The following ANXA10 variants were observed in gnomAD, a reference collection of about 807,000 sequenced individuals.
ANXA10 encodes annexin A10.
In ANXA10, 49 loss-of-function variants were observed where a neutral mutation model predicts 53.5. That is an observed-to-expected ratio of 0.92 (90% CI 0.73 to 1.16). The LOEUF (loss-of-function observed/expected upper bound fraction) is 1.16, where lower values mean the gene tolerates loss of function less well. Among genes scored for constraint, ANXA10 ranks in the 50% most tolerant of loss-of-function variants. ANXA10 has a pLI of 0.00. For missense variants in ANXA10, 393 were observed against 394.4 expected (o/e 1.00, Z 0.03); for synonymous variants, 131 against 128.9 (o/e 1.02, Z -0.11).
chr4:168,112,824 C>A (rs1038975234), intron 1 of ANXA10, among the ~76,000 whole-genome samples: 9 of 152,230 alleles, frequency 5.9e-5, no homozygotes, highest in Middle Eastern at 6.8e-3. Context: ...AGTTCAAGAC[C>A]AGCCTGACCA....
At chr4:168,104,209 T>G (rs1304968221) in intron 1 of ANXA10, among the ~76,000 whole-genome samples, 1 of 151,982 alleles carries the variant, frequency 6.6e-6, no homozygotes, top group Admixed American at 6.6e-5. Flanking sequence ...AGATTGATTT[T>G]TGAATGTTGT....
At chr4:168,117,576 A>C (rs1730914175) in intron 1 of ANXA10, among the ~76,000 whole-genome samples, 1 of 152,152 alleles carries the variant, frequency 6.6e-6, no homozygotes, top group Non-Finnish European at 1.5e-5. Flanking sequence ...GGTTCTTGGA[A>C]TCTGCACCTT....
At chr4:168,154,783 A>AT in intron 3 of ANXA10, among the ~76,000 whole-genome samples, 1 of 152,060 alleles carries the variant, frequency 6.6e-6, no homozygotes, top group Non-Finnish European at 1.5e-5. Context: ...TGTGTGCCTG[A>AT]TTTTCTTATC....
rs1731621390 is a variant in ANXA10 at position 168,155,773 on chromosome 4, CATATATTATATATTATATATAATATATA to C, written c.196-6748_196-6721del. Among the ~76,000 whole-genome samples, 28 of 23,438 alleles carry C rather than the reference CATATATTATATATTATATATAATATATA, an allele frequency of 1.2e-3. 5 individuals are homozygous for C. The highest frequency in any genetic ancestry group is 5.4e-3 in the African/African-American group (26 of 4,778). 15.4% of individuals were successfully genotyped at this position (23,438 alleles called of 152,430 possible). ...ATATATTATATAATATATGATATAT[CATATATTATATATTATATATAATATATA>C]ATATATGATATATTATATATGATAT... is the stretch of plus-strand genomic sequence containing the variant. On this transcript the variant is annotated intron_variant, in intron 3 of 11. Coordinates refer to ENST00000359299, the MANE Select transcript of ANXA10 (RefSeq NM_007193.5).
intron 3 of ANXA10, among the ~76,000 whole-genome samples, chr4:168,146,655 A>G (rs183390329): frequency 1.3e-5 from 2 of 152,278 alleles, no homozygotes; most frequent in African/African-American, 4.8e-5. Flanking sequence ...CTGGATCAGC[A>G]CCTGGATTCC....
At chr4:168,095,537 T>C (rs568138875) in intron 1 of ANXA10, among the ~76,000 whole-genome samples, 1 of 152,214 alleles carries the variant, frequency 6.6e-6, no homozygotes, top group South Asian at 2.1e-4. Flanking sequence ...ATTTACTGTC[T>C]ATATACATCA....
intron 3 of ANXA10, among the ~76,000 whole-genome samples, chr4:168,146,018 G>C (rs1057098984): frequency 1.3e-5 from 2 of 151,880 alleles, no homozygotes; most frequent in Admixed American, 1.3e-4. Flanking sequence ...TACCTCCCAG[G>C]TTCAAGCAGC....
intron 1 of ANXA10, among the ~76,000 whole-genome samples, chr4:168,096,162 G>A (rs896521274): frequency 6.6e-6 from 1 of 152,184 alleles, no homozygotes; most frequent in Non-Finnish European, 1.5e-5. Flanking sequence ...CATGGGAGGA[G>A]AGGCTGTTGA....
At chr4:168,130,116 C>T (rs572786999) in intron 2 of ANXA10, among the ~76,000 whole-genome samples, 2 of 152,178 alleles carry the variant, frequency 1.3e-5, no homozygotes, top group East Asian at 1.9e-4. Flanking sequence ...TTTTTGAAAA[C>T]GTTCATTATG....
chr4:168,163,565 A>G (rs558749724), intron 4 of ANXA10, among the ~76,000 whole-genome samples: 3 of 152,326 alleles, frequency 2.0e-5, no homozygotes, highest in Admixed American at 6.5e-5. Context: ...AAATAAAGTT[A>G]TATGTTTATA....
chr4:168,166,750 A>G (rs1731888523), intron 6 of ANXA10, among the ~76,000 whole-genome samples: 1 of 152,044 alleles, frequency 6.6e-6, no homozygotes, highest in African/African-American at 2.4e-5. Context: ...AGTAGTTAGC[A>G]AAGAATTAGT....
Position 168,184,549 on chromosome 4 carries a change from T to C in ANXA10, c.784-10T>C, listed in dbSNP as rs1264139267. The C allele has an allele frequency of 1.2e-6, 2 of 1,613,528 alleles. No homozygotes were observed. The highest frequency in any genetic ancestry group is 1.7e-6 in the Non-Finnish European group (2 of 1,179,682). On this transcript the variant is annotated splice_polypyrimidine_tract_variant and intron_variant, in intron 10 of 11. Coordinates refer to ENST00000359299, the MANE Select transcript of ANXA10 (RefSeq NM_007193.5). ...TCTTCTCATTTCTCCCACTTTTCTG[T>C]ATCTTTTAGGACTTTGGTTTCCATA...
Position 168,165,239 on chromosome 4 carries a change from T to C in ANXA10, c.401-8T>C. ...TAAATCATACCTTTAACATGTTTTC[T>C]TATACAGAATACAGCAATAACCTCC... On this transcript the variant is annotated splice_region_variant and splice_polypyrimidine_tract_variant and intron_variant, in intron 5 of 11. Transcript: ENST00000359299. The C allele has an allele frequency of 6.5e-7, 1 of 1,534,226 alleles. No individual in the cohort carries two copies. The highest frequency in any genetic ancestry group is 8.9e-7 in the Non-Finnish European group (1 of 1,117,978).
rs1732164149 is a variant in ANXA10, at chr4:168,177,951, T to C, written c.596T>C (p.Leu199Pro). ...CACAAAACCATGCTGCAAATGATCC[T>C]GTGCAACAAGAGCTACCAGCAGCTG... ...GEHKTMLQMILCNKSYQQLRL... is the reference protein window; with the variant it reads ...GEHKTMLQMIPCNKSYQQLRL... The change falls in exon 8 of 12, where the codon CTG (leucine) becomes CCG (proline). Residue 199 changes from leucine to proline, a missense_variant. Coordinates refer to ENST00000359299, the MANE Select transcript of ANXA10 (RefSeq NM_007193.5). The C allele has an allele frequency of 6.2e-7, 1 of 1,613,874 alleles. No homozygotes were observed. The highest frequency in any genetic ancestry group is 1.1e-5 in the South Asian group (1 of 91,062).
chr4:168,152,343 T>G (rs1731512071), intron 3 of ANXA10, among the ~76,000 whole-genome samples: 1 of 152,176 alleles, frequency 6.6e-6, no homozygotes, highest in South Asian at 2.1e-4. Flanking sequence ...AGATCTGCTA[T>G]TCCAGGTTCA....
intron 1 of ANXA10, among the ~76,000 whole-genome samples, chr4:168,114,324 A>G (rs1192375544): frequency 2.0e-5 from 3 of 152,004 alleles, no homozygotes; most frequent in African/African-American, 4.8e-5. Context: ...CCCAGGCTGG[A>G]GTGCAGTGGT....
intron 6 of ANXA10, among the ~76,000 whole-genome samples, chr4:168,167,373 T>C (rs1280716397): frequency 6.6e-6 from 1 of 152,220 alleles, no homozygotes; most frequent in Non-Finnish European, 1.5e-5. Context: ...GGCTTTGTGT[T>C]AGATAATTTT....
At chr4:168,136,844 T>G (rs1307983864) in intron 2 of ANXA10, among the ~76,000 whole-genome samples, 1 of 152,218 alleles carries the variant, frequency 6.6e-6, no homozygotes, top group Non-Finnish European at 1.5e-5. Flanking sequence ...ACTGCCTTAG[T>G]AGAGGTTCCT....
intron 3 of ANXA10, among the ~76,000 whole-genome samples, chr4:168,150,758 G>A (rs887180140): frequency 2.6e-5 from 4 of 152,144 alleles, no homozygotes; most frequent in African/African-American, 9.7e-5. Context: ...ACACTGAAAG[G>A]TGACAGAAAA....
Sources: gnomAD v4.1 joint callset for allele counts (sites outside exome capture counted in the v4.1 genomes callset) on GRCh38, gnomAD v4.1.1 for gene constraint, MANE v1.5 for transcripts, NCBI Gene and HGNC (gene_info 2026-07-23, HGNC 2026-07-21) for gene names.